The following CLEC12A variants were observed in gnomAD, a reference collection of about 807,000 sequenced individuals.
CLEC12A encodes C-type lectin domain family 12 member A.
CLEC12A carries 22 observed loss-of-function variants against 26.5 expected under a neutral mutation model. The ratio of observed to expected loss-of-function variants is 0.83; its 90% confidence interval spans 0.59 to 1.19. The LOEUF (loss-of-function observed/expected upper bound fraction) is 1.19, where lower values mean the gene tolerates loss of function less well. Among genes scored for constraint, CLEC12A ranks in the 50% most tolerant of loss-of-function variants. The probability of loss-of-function intolerance (pLI) is 0.00; values close to 1 mark genes in which losing one functional copy is unlikely to be tolerated. For synonymous variants in CLEC12A, 119 were observed against 101.9 expected (o/e 1.17, Z -1.01); for missense variants, 353 against 315.6 (o/e 1.12, Z -0.90).
chr12:9,996,599 C>T, downstream of CLEC12A: 4 of 542,066 alleles, frequency 7.4e-6, no homozygotes, highest in East Asian at 3.5e-5. Context: ...CATGTGTGAC[C>T]CACTATGTAC....
At chr12:9,977,490 C>T (rs1212553004) in intron 1 of CLEC12A, among the ~76,000 whole-genome samples, 3 of 152,100 alleles carry the variant, frequency 2.0e-5, no homozygotes, top group Non-Finnish European at 4.4e-5. Context: ...AATTCTTCTG[C>T]CCCTCTGAAT....
intron 1 of CLEC12A, among the ~76,000 whole-genome samples, chr12:9,960,276 A>G (rs903165866): frequency 2.6e-5 from 4 of 152,182 alleles, no homozygotes; most frequent in Admixed American, 6.5e-5. Context: ...TGTAAAAGGA[A>G]TATGCATTTT....
Position 9,951,375 on chromosome 12 carries a change from T to C in CLEC12A, c.10+19T>C, listed in dbSNP as rs974844436. 4.3e-6 allele frequency: 3 copies of C among 702,972 alleles called. No individual in the cohort carries two copies. In the Admixed American group the frequency reaches 6.0e-5, roughly 14 times the overall value. 43.5% of individuals were successfully genotyped at this position (702,972 alleles called of 1,614,324 possible). A position where few individuals can be genotyped will look rare whatever the true frequency, so the allele number is the denominator to read the frequency against. The stretch of plus-strand genomic sequence containing the variant: ...TGGATAGGTGAGTGTCTTTTGTGGA[T>C]ACCGACAGTGGGAATGGCTCCTCTC... On this transcript the variant is annotated intron_variant, in intron 1 of 6. Transcript: ENST00000355690.
intron 4 of CLEC12A, chr12:9,993,406 C>CA (rs11412323): frequency 0.31 from 154,722 of 501,378 alleles, 20,473 homozygotes; most frequent in African/African-American, 0.52. Context: ...GAAAAAAAAA[C>CA]AAAAAAAAAA....
downstream of CLEC12A, chr12:9,996,697 C>A: frequency 1.3e-6 from 1 of 794,440 alleles, no homozygotes; most frequent in Middle Eastern, 3.0e-4. Flanking sequence ...TATCTGGGTT[C>A]TGTAATTCTT....
chr12:9,957,430 G>T (rs2137096893), intron 1 of CLEC12A, among the ~76,000 whole-genome samples: 1 of 150,516 alleles, frequency 6.6e-6, no homozygotes, highest in African/African-American at 2.4e-5. Context: ...AGAGGTTGCA[G>T]TGAGCCAAAA....
the CLEC12A span, among the ~76,000 whole-genome samples, chr12:10,004,296 G>T: frequency 7.9e-4 from 121 of 152,330 alleles, no homozygotes; most frequent in African/African-American, 2.9e-3. Context: ...ACAGCTTTCT[G>T]TATTCCAAGC....
the CLEC12A span, among the ~76,000 whole-genome samples, chr12:10,006,134 G>A: frequency 2.0e-5 from 3 of 152,202 alleles, no homozygotes; most frequent in African/African-American, 7.2e-5. Context: ...TGTGAGAGCA[G>A]CAAGAATTGT....
At chr12:9,962,999 G>C (rs1366572780) in intron 1 of CLEC12A, among the ~76,000 whole-genome samples, 1 of 152,176 alleles carries the variant, frequency 6.6e-6, no homozygotes, top group East Asian at 1.9e-4. Context: ...ACCTAGAGTG[G>C]GAGAGATTAA....
downstream of CLEC12A, among the ~76,000 whole-genome samples, chr12:9,998,580 T>A (rs7980702): frequency 1.2e-5 from 1 of 83,150 alleles, no homozygotes; most frequent in Non-Finnish European, 2.7e-5. Context: ...CATTCTCATC[T>A]CCAATGCACT....
upstream of CLEC12A, among the ~76,000 whole-genome samples, chr12:9,968,514 G>A (rs1864021672): frequency 6.6e-6 from 1 of 152,178 alleles, no homozygotes; most frequent in African/African-American, 2.4e-5. Context: ...AGATGAGCCA[G>A]GAGAAGGAAT....
At chr12:9,970,291 A>G (rs936452882), upstream of CLEC12A, among the ~76,000 whole-genome samples, 2 of 151,988 alleles carry the variant, frequency 1.3e-5, no homozygotes, top group African/African-American at 2.4e-5. Flanking sequence ...GTTAATTTCT[A>G]TCTGTAATAT....
chr12:9,982,170 A>G (rs1383748479), intron 5 of CLEC12A, 41 bp downstream of exon 5: 1 of 1,088,924 alleles, frequency 9.2e-7, no homozygotes, highest in South Asian at 1.3e-5. Flanking sequence ...GCTGGGTTTG[A>G]GTAGAGGTAT....
At position 9,984,989 on chromosome 12, in the gene CLEC12A, C is replaced by T. The variant is rs1242982981; in HGVS notation, c.761C>T (p.Pro254Leu). The T allele has an allele frequency of 1.3e-6, 2 of 1,544,398 alleles. No homozygotes were observed. Among genetic ancestry groups the T allele is most frequent in the Non-Finnish European group, 1.7e-6 (2 of 1,143,576 alleles). Reference protein sequence around the residue: ...KRMICEKMANPVQLGSTYFRE... With the variant: ...KRMICEKMANLVQLGSTYFRE... ...ATGATATGTGAGAAGATGGCCAATC[C>T]AGTGCAGCTTGGTTCTACATATTTT... The change falls in exon 6 of 6, where the codon CCA (proline) becomes CTA (leucine). Residue 254 changes from proline to leucine, a missense_variant. Coordinates refer to ENST00000304361, the MANE Select transcript of CLEC12A (RefSeq NM_138337.6).
chr12:10,005,961 G>A, the CLEC12A span, among the ~76,000 whole-genome samples: 3 of 151,918 alleles, frequency 2.0e-5, no homozygotes, highest in Non-Finnish European at 4.4e-5. Context: ...TCTGAAATAG[G>A]CATGAAATGT....
intron 1 of CLEC12A, among the ~76,000 whole-genome samples, chr12:9,958,095 A>T (rs993418663): frequency 6.6e-6 from 1 of 152,210 alleles, no homozygotes; most frequent in Non-Finnish European, 1.5e-5. Flanking sequence ...GAAGGAGTGA[A>T]TTAAAGTGAC....
At chr12:9,995,133 G>T in exon 5 of CLEC12A, 2 of 1,611,578 alleles carry the variant, frequency 1.2e-6, no homozygotes, top group South Asian at 2.2e-5. Context: ...AGTGTCCAGT[G>T]ACTTACATAT....
Position 9,995,249 on chromosome 12 carries a change from A to G in CLEC12A, n.1236A>G, listed in dbSNP as rs777866759. 14 of 1,607,852 alleles carry G rather than the reference A, an allele frequency of 8.7e-6. No individual in the cohort carries two copies. The African/African-American group carries it at 1.9e-4, about 22-fold the overall frequency. On this transcript the variant is annotated non_coding_transcript_exon_variant, in exon 5 of 5. Coordinates refer to the CLEC12A transcript ENST00000449959. ...TGAGTCCTGGCTTTGATGTACTCCT[A>G]TTGTAAACATAAATAAACACAATGG...
At chr12:9,991,341 T>G (rs1428833190) in intron 4 of CLEC12A, 1 of 152,238 alleles carries the variant, frequency 6.6e-6, no homozygotes, top group East Asian at 1.9e-4. Flanking sequence ...GTGATTGGCC[T>G]ACATTTTTAA....
Sources: allele counts gnomAD v4.1 joint callset (sites outside exome capture counted in the v4.1 genomes callset), GRCh38; gene constraint gnomAD v4.1.1; transcripts MANE v1.5; gene names NCBI Gene and HGNC (gene_info 2026-07-23, HGNC 2026-07-21).